Variants in CHEK1 observed in about 807,000 individuals in gnomAD.
The protein encoded by CHEK1 is checkpoint kinase 1, also known as serine/threonine-protein kinase Chk1.
A neutral mutation model predicts 60.2 loss-of-function variants in CHEK1; 32 were observed. The observed-to-expected ratio is 0.53, with a 90% CI of 0.40 to 0.71. The LOEUF (loss-of-function observed/expected upper bound fraction) is 0.71, where lower values mean the gene tolerates loss of function less well. CHEK1 is among the 30% of genes least tolerant of loss of function. The probability of loss-of-function intolerance (pLI) is 0.00; values close to 1 mark genes in which losing one functional copy is unlikely to be tolerated. For missense variants in CHEK1, 399 were observed against 564.6 expected, an observed-to-expected ratio of 0.71 and a Z score of 2.97; for synonymous variants, 179 against 187.2, an observed-to-expected ratio of 0.96 and a Z score of 0.36.
chr11:125,629,472 A>G lies in CHEK1; in HGVS notation c.424+12A>G, dbSNP rs199832208. 1.3e-6 allele frequency: 2 copies of G among 1,558,444 alleles called. No homozygotes were observed. The highest frequency in any genetic ancestry group is 3.4e-5 in the Admixed American group (2 of 58,926). ...GTTGGATGAAAGGGGTAAGTTTAGC[A>G]TTTTATCACTACCTAAAATAAAATA... On this transcript the variant is annotated intron_variant, in intron 5 of 12. Coordinates refer to ENST00000438015, the MANE Select transcript of CHEK1 (RefSeq NM_001114122.3).
At chr11:125,678,001 C>T (rs1942606813), downstream of CHEK1, 1 of 1,612,890 alleles carries the variant, frequency 6.2e-7, no homozygotes, top group Non-Finnish European at 8.5e-7. Context: ...GAAGGCTGTT[C>T]TCCTGAAGGC....
chr11:125,660,037 C>T (rs1028524609), downstream of CHEK1, among the ~76,000 whole-genome samples: 1 of 152,118 alleles, frequency 6.6e-6, no homozygotes, highest in Non-Finnish European at 1.5e-5. Context: ...CTCCTTATGG[C>T]TGAATAATTT....
At position 125,653,033 on chromosome 11, in the gene CHEK1, TG is replaced by T. The variant is rs1941791961; in HGVS notation, c.1234-712del. ...ACTTCTATGAAATTAACAGTTTTTT[TG>T]TTTCCACATATGAGTGAGAACATGT... On this transcript the variant is annotated intron_variant, in intron 11 of 12. Coordinates refer to ENST00000438015, the MANE Select transcript of CHEK1 (RefSeq NM_001114122.3). The surrounding 1 kb of genome is among the most constrained non-coding windows in gnomAD (Gnocchi z 4.3). Among the ~76,000 whole-genome samples, 1 of 152,166 alleles carries T rather than the reference TG, an allele frequency of 6.6e-6. No individual in the cohort carries two copies. Among genetic ancestry groups the T allele is most frequent in the African/African-American group, 2.4e-5 (1 of 41,428 alleles).
Position 125,643,801 on chromosome 11 carries a change from G to T in CHEK1, c.824G>T (p.Arg275Met), listed in dbSNP as rs745620670. ...YNKPLKKGAK[R>M]PRVTSGGVSE... The stretch of plus-strand genomic sequence containing the variant: ...TTGTTTTCTTTTTTAGGGGCAAAAA[G>T]GCCCCGAGTCACTTCAGGTGGTGTG... Residue 275 changes from arginine to methionine, a missense_variant, in exon 9 of 13, where the codon AGG becomes ATG. Around this residue, in one of 2 missense-constraint regions of CHEK1, gnomAD observed 370 missense variants for 494.8 expected, o/e 0.75. Coordinates refer to ENST00000438015, the MANE Select transcript of CHEK1 (RefSeq NM_001114122.3). 4 of 1,612,462 alleles carry T rather than the reference G, an allele frequency of 2.5e-6. No homozygotes were observed. The highest frequency in any genetic ancestry group is 3.4e-6 in the Non-Finnish European group (4 of 1,179,572).
chr11:125,678,771 T>G (rs924531264), downstream of CHEK1, among the ~76,000 whole-genome samples: 6 of 151,714 alleles, frequency 4.0e-5, no homozygotes, highest in East Asian at 1.2e-3. Flanking sequence ...CCTGAGTATT[T>G]GTAACCTAAA....
At chr11:125,669,307 A>C (rs10893412) in intron 13 of CHEK1, among the ~76,000 whole-genome samples, 29,110 of 152,052 alleles carry the variant, frequency 0.19, 3,009 homozygotes, top group African/African-American at 0.27. Flanking sequence ...TGGAGATAAC[A>C]TTCTGCTGAC....
Position 125,653,980 on chromosome 11 carries a change from T to C in CHEK1, c.1335+133T>C. On this transcript the variant is annotated intron_variant, in intron 12 of 12. Coordinates refer to ENST00000438015, the MANE Select transcript of CHEK1 (RefSeq NM_001114122.3). The surrounding 1 kb of genome is among the most constrained non-coding windows in gnomAD (Gnocchi z 4.3). ...TTTTTCGTTTAATATTATGAGCATG[T>C]GTTTTCGTTATCTATTTTTCCCGAA... 1.9e-6 allele frequency: 1 copy of C among 530,212 alleles called. No homozygotes were observed. Among genetic ancestry groups the C allele is most frequent in the Non-Finnish European group, 3.3e-6 (1 of 305,362 alleles). The allele number at this position is 530,212 out of a possible 1,614,324, so 32.8% of individuals were successfully genotyped here.
At chr11:125,671,098 G>A (rs1942193501) in intron 13 of CHEK1, among the ~76,000 whole-genome samples, 1 of 151,990 alleles carries the variant, frequency 6.6e-6, no homozygotes, top group African/African-American at 2.4e-5. Context: ...GTAGAGACGG[G>A]GTCTTGCTGT....
At position 125,625,252 on chromosome 11, in the gene CHEK1, G is replaced by C. The variant is rs918079756; in HGVS notation, c.-781G>C. ...AGATGGTCTTCCTGCAAAAAGACCG[G>C]GCTGAAGTAAAGCATTGTTTTGGAG... On this transcript the variant is annotated 5_prime_UTR_variant, in exon 1 of 13. Transcript: ENST00000438015. 4.3e-6 allele frequency: 1 copy of C among 230,630 alleles called. No homozygotes were observed. Among genetic ancestry groups the C allele is most frequent in the Non-Finnish European group, 8.6e-6 (1 of 116,658 alleles). 14.3% of individuals were successfully genotyped at this position (230,630 alleles called of 1,614,324 possible).
At position 125,629,470 on chromosome 11, in the gene CHEK1, G is replaced by C. The variant is rs867124242; in HGVS notation, c.424+10G>C. 1 of 1,578,272 alleles carries C rather than the reference G, an allele frequency of 6.3e-7. No homozygotes were observed. The highest frequency in any genetic ancestry group is 1.3e-5 in the African/African-American group (1 of 74,156). ...CTGTTGGATGAAAGGGGTAAGTTTA[G>C]CATTTTATCACTACCTAAAATAAAA... On this transcript the variant is annotated intron_variant, in intron 5 of 12. Transcript: ENST00000438015.
downstream of CHEK1, among the ~76,000 whole-genome samples, chr11:125,680,360 C>T (rs1035585942): frequency 2.2e-4 from 34 of 152,288 alleles, no homozygotes; most frequent in East Asian, 5.8e-4. Context: ...TTCCCATCTC[C>T]CATCTTTCCT....
Position 125,637,536 on chromosome 11 carries a change from T to A in CHEK1, c.806T>A (p.Leu269His), listed in dbSNP as rs933668612. Residue 269 changes from leucine to histidine, a missense_variant, in exon 8 of 13, where the codon CTC becomes CAC. Physicochemically the swap from Leu to His is moderately conservative, Grantham distance 99 (BLOSUM62 -3). This residue lies in a region of CHEK1 where 370 missense variants were observed against 494.8 expected (regional missense o/e 0.75). Coordinates refer to ENST00000438015, the MANE Select transcript of CHEK1 (RefSeq NM_001114122.3). ...AAAGATAGATGGTACAACAAACCCC[T>A]CAAGAAAGGTAATATCCTTAAACTA... ...IKKDRWYNKPLKKGAKRPRVT... is the reference protein window; with the variant it reads ...IKKDRWYNKPHKKGAKRPRVT... The A allele has an allele frequency of 5.0e-6, 8 of 1,604,420 alleles. No individual in the cohort carries two copies. Among genetic ancestry groups the A allele is most frequent in the Non-Finnish European group, 6.0e-6 (7 of 1,174,726 alleles).
intron 13 of CHEK1, among the ~76,000 whole-genome samples, chr11:125,663,746 A>G (rs1363880145): frequency 6.6e-6 from 1 of 152,102 alleles, no homozygotes; most frequent in African/African-American, 2.4e-5. Flanking sequence ...TCCAGGGCCT[A>G]TGTCAAAATG....
intron 11 of CHEK1, among the ~76,000 whole-genome samples, chr11:125,651,370 C>T (rs527965549): frequency 6.6e-6 from 1 of 150,764 alleles, no homozygotes; most frequent in Non-Finnish European, 1.5e-5. Flanking sequence ...CCACTGCAAC[C>T]TCTGCATCCC....
chr11:125,678,878 A>G (rs186554532), downstream of CHEK1, among the ~76,000 whole-genome samples: 555 of 150,906 alleles, frequency 3.7e-3, 2 homozygotes, highest in African/African-American at 0.013. Context: ...GGTAATGTCA[A>G]GTATTTTCTC....
Position 125,626,116 on chromosome 11 carries a change from C to T in CHEK1, c.-21+104C>T, listed in dbSNP as rs1472839920. The stretch of plus-strand genomic sequence containing the variant: ...GTGGGAGAAAGTTAGCATTGACTAG[C>T]GCAGGGGATTGGAGAGACTCCTGCG... On this transcript the variant is annotated intron_variant, in intron 1 of 12. Coordinates refer to ENST00000438015, the MANE Select transcript of CHEK1 (RefSeq NM_001114122.3). The T allele has an allele frequency of 6.7e-5, 43 of 641,092 alleles. No individual in the cohort carries two copies. In the East Asian group the frequency reaches 1.1e-3, roughly 16 times the overall value. The allele number at this position is 641,092 out of a possible 1,614,324, so 39.7% of individuals were successfully genotyped here. A position where few individuals can be genotyped will look rare whatever the true frequency, so the allele number is the denominator to read the frequency against.
chr11:125,635,598 AT>A (rs1036318081), intron 7 of CHEK1, 65 bp downstream of exon 7: 3 of 1,052,992 alleles, frequency 2.8e-6, no homozygotes, highest in Non-Finnish European at 4.1e-6. Context: ...TGCTATTTGA[AT>A]TTTTTCTTAC....
Position 125,653,680 on chromosome 11 carries a change from C to A in CHEK1, c.1234-66C>A. On this transcript the variant is annotated intron_variant, in intron 11 of 12. Coordinates refer to ENST00000438015, the MANE Select transcript of CHEK1 (RefSeq NM_001114122.3). This position sits in a 1 kb window ranked among gnomAD's most constrained non-coding sequence, Gnocchi z 4.3. ...TTTGAGAAACTTCTATTCTGTTCTT[C>A]ATAGTGGGTTTACTAGTTTATTATC... 1 of 770,810 alleles carries A rather than the reference C, an allele frequency of 1.3e-6. No homozygotes were observed. The highest frequency in any genetic ancestry group is 2.2e-6 in the Non-Finnish European group (1 of 454,400). The allele number at this position is 770,810 out of a possible 1,614,324, so 47.7% of individuals were successfully genotyped here.
At chr11:125,640,524 A>G (rs1223350990) in intron 8 of CHEK1, among the ~76,000 whole-genome samples, 1 of 149,770 alleles carries the variant, frequency 6.7e-6, no homozygotes, top group African/African-American at 2.5e-5. Flanking sequence ...CCTGGGCAAC[A>G]GCGAGACTCC....
Sources: allele counts gnomAD v4.1 joint callset (sites outside exome capture counted in the v4.1 genomes callset), GRCh38; gene constraint gnomAD v4.1.1; regional missense constraint gnomAD v4.1.1; non-coding constraint Gnocchi (gnomAD v3.1); transcripts MANE v1.5; gene names NCBI Gene and HGNC (gene_info 2026-07-23, HGNC 2026-07-21).